Variants in HERC3 observed in about 807,000 individuals in gnomAD.
The protein encoded by HERC3 is probable E3 ubiquitin-protein ligase HERC3.
A neutral mutation model predicts 129.9 loss-of-function variants in HERC3; 58 were observed. That is an observed-to-expected ratio of 0.45 (90% CI 0.36 to 0.56). The LOEUF (loss-of-function observed/expected upper bound fraction) is 0.56. HERC3 is among the 20% of genes least tolerant of loss of function. The pLI, the probability that HERC3 is intolerant of heterozygous loss-of-function variation, is 0.00. For synonymous variants in HERC3, 430 were observed against 451.0 expected, an observed-to-expected ratio of 0.95 and a Z score of 0.59; for missense variants, 835 against 1,244.2, an observed-to-expected ratio of 0.67 and a Z score of 4.95.
intron 3 of HERC3, among the ~76,000 whole-genome samples, chr4:88,606,253 C>CTTT: frequency 7.4e-6 from 1 of 135,360 alleles, no homozygotes; most frequent in East Asian, 2.1e-4. Context: ...CTTTTCTTTT[C>CTTT]TTTTTTTTTT....
At chr4:88,594,461 T>C (rs1722115311) in intron 1 of HERC3, among the ~76,000 whole-genome samples, 1 of 152,176 alleles carries the variant, frequency 6.6e-6, no homozygotes, top group Admixed American at 6.5e-5. Flanking sequence ...TGGAGTGCAC[T>C]GGTGCGATCT....
chr4:88,622,878 G>A (rs1725691414), intron 3 of HERC3, among the ~76,000 whole-genome samples: 1 of 152,090 alleles, frequency 6.6e-6, no homozygotes, highest in Non-Finnish European at 1.5e-5. Flanking sequence ...GCAGTGAGCT[G>A]AAATTGCGTC....
the HERC3 span, among the ~76,000 whole-genome samples, chr4:88,579,226 A>ATATATATATATAT: frequency 0.01 from 975 of 93,846 alleles, 22 homozygotes; most frequent in African/African-American, 0.097. Context: ...TACTAAAAAA[A>ATATATATATATAT]AAAAAAATAT....
chr4:88,693,558 G>T (rs1734288108), intron 23 of HERC3: 7 of 949,950 alleles, frequency 7.4e-6, no homozygotes, highest in Non-Finnish European at 8.8e-6. Flanking sequence ...ACTAGAAGGT[G>T]GTGGTTGCAC....
chr4:88,633,740 A>G (rs940199701), intron 3 of HERC3, among the ~76,000 whole-genome samples: 4 of 152,222 alleles, frequency 2.6e-5, no homozygotes, highest in African/African-American at 4.8e-5. Flanking sequence ...TAGACTCTAA[A>G]AAAACCCCAG....
At chr4:88,591,889 C>T (rs569902535), upstream of HERC3, among the ~76,000 whole-genome samples, 51 of 152,142 alleles carry the variant, frequency 3.4e-4, no homozygotes, top group African/African-American at 1.2e-3. Context: ...GCCTTTCTTC[C>T]GCAGCCCCGT....
At chr4:88,586,307 G>T in the HERC3 span, among the ~76,000 whole-genome samples, 1 of 151,454 alleles carries the variant, frequency 6.6e-6, no homozygotes, top group Non-Finnish European at 1.5e-5. Context: ...GTTAAATTCA[G>T]AGATGAATGA....
the HERC3 span, among the ~76,000 whole-genome samples, chr4:88,562,532 T>C: frequency 1.1e-3 from 166 of 152,330 alleles, 2 homozygotes; most frequent in South Asian, 2.7e-3. Context: ...ATTTTTTGCT[T>C]TAATTGCCTG....
chr4:88,700,515 C>T (rs3017908), intron 23 of HERC3, among the ~76,000 whole-genome samples: 55,913 of 151,936 alleles, frequency 0.37, 11,354 homozygotes, highest in East Asian at 0.53. Context: ...ACCAATAGTC[C>T]CTTAAGTGAA....
chr4:88,606,308 G>A (rs934396854), intron 3 of HERC3, among the ~76,000 whole-genome samples: 3 of 149,960 alleles, frequency 2.0e-5, no homozygotes, highest in African/African-American at 7.4e-5. Context: ...CTTGAGTGCA[G>A]TGGTGAGATC....
chr4:88,655,768 T>C (rs775233114), intron 8 of HERC3, 107 bp from the exon 9 acceptor site: 13 of 1,135,362 alleles, frequency 1.1e-5, no homozygotes, highest in Non-Finnish European at 1.7e-5. Context: ...GGAAAGGCTC[T>C]ATAGGAGCAC....
the HERC3 span, among the ~76,000 whole-genome samples, chr4:88,551,467 G>T: frequency 2.7e-5 from 4 of 150,328 alleles, no homozygotes; most frequent in Non-Finnish European, 5.9e-5. Context: ...TCAAAAAGTG[G>T]GCAAAGGATA....
the HERC3 span, among the ~76,000 whole-genome samples, chr4:88,570,348 A>G: frequency 2.0e-5 from 3 of 152,238 alleles, no homozygotes; most frequent in African/African-American, 7.2e-5. Flanking sequence ...CTTGTGAAAG[A>G]AAAAATAATT....
At chr4:88,628,574 A>T (rs1179470017) in intron 3 of HERC3, among the ~76,000 whole-genome samples, 1 of 152,198 alleles carries the variant, frequency 6.6e-6, no homozygotes, top group East Asian at 1.9e-4. Context: ...GAGATAAAAT[A>T]GATGGATCCC....
chr4:88,541,565 T>G, the HERC3 span, among the ~76,000 whole-genome samples: 2 of 152,208 alleles, frequency 1.3e-5, no homozygotes, highest in African/African-American at 4.8e-5. Context: ...TATTCAGGAC[T>G]TGAACTCAGC....
In HERC3 at chr4:88,676,442, T is replaced by G; in HGVS notation, c.2025+19T>G. ...GATGCAGGTATCATATTTTAGAAAT[T>G]ATTTCTTCTTTTTACTGTGTTTCTC... On this transcript the variant is annotated intron_variant, in intron 18 of 25. Transcript: ENST00000402738. 1.3e-6 allele frequency: 2 copies of G among 1,520,602 alleles called. No individual in the cohort carries two copies. The highest frequency in any genetic ancestry group is 2.3e-5 in the South Asian group (2 of 88,216). The allele number at this position is 1,520,602 out of a possible 1,614,324, so 94.2% of individuals were successfully genotyped here.
the HERC3 span, among the ~76,000 whole-genome samples, chr4:88,544,729 C>A: frequency 6.6e-6 from 1 of 152,156 alleles, no homozygotes; most frequent in African/African-American, 2.4e-5. Flanking sequence ...CCATGGAATA[C>A]TATGCAGCCA....
intron 10 of HERC3, 121 bp from the exon 11 acceptor site, chr4:88,662,310 G>A: frequency 3.2e-6 from 3 of 947,430 alleles, no homozygotes; most frequent in Non-Finnish European, 4.7e-6. Flanking sequence ...GATCTGGGCG[G>A]CACACTGCAG....
At chr4:88,547,374 T>A in the HERC3 span, among the ~76,000 whole-genome samples, 1 of 152,234 alleles carries the variant, frequency 6.6e-6, no homozygotes, top group Admixed American at 6.5e-5. Context: ...ATATACCATA[T>A]AATTCACCCA....
Sources: gnomAD v4.1 joint callset for allele counts (sites outside exome capture counted in the v4.1 genomes callset) on GRCh38, gnomAD v4.1.1 for gene constraint, MANE v1.5 for transcripts, NCBI Gene and HGNC (gene_info 2026-07-23, HGNC 2026-07-21) for gene names.